The following PLCB4 variants were observed in gnomAD, a reference collection of about 807,000 sequenced individuals.
PLCB4 encodes the protein phospholipase C beta 4.
PLCB4 carries 77 observed loss-of-function variants against 178.8 expected under a neutral mutation model. The ratio of observed to expected loss-of-function variants is 0.43; its 90% confidence interval spans 0.36 to 0.52. PLCB4 has a LOEUF of 0.52. PLCB4 is among the 20% of genes least tolerant of loss of function. The pLI is 0.00. For missense variants in PLCB4, 1,024 were observed against 1,453.4 expected (o/e 0.70, Z 4.80); for synonymous variants, 496 against 490.8 (o/e 1.01, Z -0.14).
chr20:9,237,571 A>G (rs754688901), intron 3 of PLCB4, among the ~76,000 whole-genome samples: 1 of 152,200 alleles, frequency 6.6e-6, no homozygotes, highest in Non-Finnish European at 1.5e-5. Context: ...AGGCTCAGCC[A>G]TCTGTGTTTT....
At chr20:9,344,303 A>G (rs1345904078) in intron 7 of PLCB4, among the ~76,000 whole-genome samples, 1 of 152,164 alleles carries the variant, frequency 6.6e-6, no homozygotes, top group African/African-American at 2.4e-5. Context: ...TTGTCTTAGC[A>G]GGAGCTCCCC....
chr20:9,189,808 C>T (rs1288197176), intron 2 of PLCB4, among the ~76,000 whole-genome samples: 2 of 152,070 alleles, frequency 1.3e-5, no homozygotes, highest in African/African-American at 4.8e-5. Flanking sequence ...GGCTAGTTTG[C>T]GCTAGCCCCT....
intron 2 of PLCB4, among the ~76,000 whole-genome samples, chr20:9,202,963 C>T (rs1223847924): frequency 2.0e-5 from 3 of 149,342 alleles, no homozygotes; most frequent in African/African-American, 5.0e-5. Context: ...ACTGCTGTAT[C>T]GCACTGTGTT....
chr20:9,459,659 A>G lies in PLCB4; in HGVS notation c.3097A>G (p.Thr1033Ala). Residue 1033 changes from threonine (T) to alanine (A), a missense_variant, in exon 35 of 40, where the codon ACA becomes GCA. Thr to Ala is a moderately conservative substitution (Grantham distance 58). This residue lies in a region of PLCB4 where 264 missense variants were observed against 283.2 expected (regional missense o/e 0.93). Coordinates refer to ENST00000378473, the MANE Select transcript of PLCB4 (RefSeq NM_001377142.1). Reference sequence around the variant, plus strand: ...GGTCAAAGAGATTGTAGCACAGCACACAAAGGAATGGTCAGAAATGATCAA... The same window carrying G: ...GGTCAAAGAGATTGTAGCACAGCACGCAAAGGAATGGTCAGAAATGATCAA... ...SKVKEIVAQH[T>A]KEWSEMINTH... The G allele has an allele frequency of 6.2e-7, 1 of 1,609,884 alleles. No individual in the cohort carries two copies. The highest frequency in any genetic ancestry group is 1.1e-5 in the South Asian group (1 of 90,970).
chr20:9,275,223 C>G (rs912541009), intron 3 of PLCB4, among the ~76,000 whole-genome samples: 5 of 151,690 alleles, frequency 3.3e-5, no homozygotes, highest in African/African-American at 1.2e-4. Flanking sequence ...ATGGAAGCAG[C>G]AAGAGAGAAT....
At chr20:9,308,939 T>C (rs1274193472) in intron 4 of PLCB4, among the ~76,000 whole-genome samples, 1 of 152,228 alleles carries the variant, frequency 6.6e-6, no homozygotes, top group Non-Finnish European at 1.5e-5. Flanking sequence ...AACAGAATAA[T>C]ATTCTGCCAT....
At chr20:9,073,424 C>T (rs1371948636) in intron 1 of PLCB4, among the ~76,000 whole-genome samples, 2 of 152,036 alleles carry the variant, frequency 1.3e-5, no homozygotes, top group African/African-American at 4.8e-5. Flanking sequence ...TTCCAAGTGA[C>T]AATTGGGGCA....
intron 3 of PLCB4, among the ~76,000 whole-genome samples, chr20:9,264,903 C>G (rs6108275): frequency 0.032 from 4,892 of 152,086 alleles, 135 homozygotes; most frequent in African/African-American, 0.064. Flanking sequence ...TCCTGTCGAC[C>G]GTTTACCAAA....
intron 26 of PLCB4, among the ~76,000 whole-genome samples, chr20:9,420,486 A>T (rs562984748): frequency 7.2e-5 from 11 of 151,940 alleles, no homozygotes; most frequent in Admixed American, 1.3e-4. Flanking sequence ...CCACCGCCAC[A>T]CCTGGCTAAT....
At chr20:9,262,027 T>C (rs555613457) in intron 3 of PLCB4, among the ~76,000 whole-genome samples, 1 of 152,308 alleles carries the variant, frequency 6.6e-6, no homozygotes, top group South Asian at 2.1e-4. Flanking sequence ...GAATTCCACC[T>C]GATCCAAGTC....
At chr20:9,234,302 A>G (rs1221461298) in intron 3 of PLCB4, among the ~76,000 whole-genome samples, 2 of 152,122 alleles carry the variant, frequency 1.3e-5, no homozygotes, top group African/African-American at 2.4e-5. Flanking sequence ...AGTTGGATAT[A>G]TGAGTCTGGA....
intron 4 of PLCB4, among the ~76,000 whole-genome samples, chr20:9,323,006 T>A (rs1199103272): frequency 2.0e-5 from 3 of 152,234 alleles, no homozygotes; most frequent in African/African-American, 7.2e-5. Context: ...ATGGATTTTT[T>A]AAAAATGGAA....
chr20:9,468,290 G>GA (rs143454084), intron 35 of PLCB4, among the ~76,000 whole-genome samples: 26 of 148,782 alleles, frequency 1.7e-4, no homozygotes, highest in East Asian at 7.9e-4. Flanking sequence ...ATAATAGAAA[G>GA]AAAAAAAAAG....
chr20:9,300,804 T>C (rs1420601000), intron 3 of PLCB4, among the ~76,000 whole-genome samples: 22 of 152,166 alleles, frequency 1.4e-4, no homozygotes, highest in African/African-American at 4.3e-4. Context: ...AACTTTTTAG[T>C]TCTTTTAAGA....
intron 14 of PLCB4, among the ~76,000 whole-genome samples, 176 bp downstream of exon 14, chr20:9,384,587 A>G (rs548039733): frequency 2.8e-4 from 43 of 152,334 alleles, no homozygotes; most frequent in African/African-American, 9.1e-4. Context: ...CTCTTTCGGA[A>G]AAATCTTCAG....
At chr20:9,152,129 T>C (rs1366625776) in intron 2 of PLCB4, among the ~76,000 whole-genome samples, 1 of 152,148 alleles carries the variant, frequency 6.6e-6, no homozygotes, top group Admixed American at 6.5e-5. Context: ...TTAAAGGCTT[T>C]CAGTTTTATA....
intron 2 of PLCB4, among the ~76,000 whole-genome samples, chr20:9,135,738 T>C (rs762175193): frequency 1.3e-5 from 2 of 152,172 alleles, no homozygotes; most frequent in Non-Finnish European, 2.9e-5. Context: ...AGTTAAATCT[T>C]TACTTTCTAA....
intron 2 of PLCB4, among the ~76,000 whole-genome samples, chr20:9,207,511 G>A (rs574612969): frequency 3.5e-4 from 54 of 152,354 alleles, no homozygotes; most frequent in African/African-American, 1.3e-3. Context: ...TCTACCTCCA[G>A]TGACCTATTA....
At chr20:9,208,492 A>G (rs1488471236) in intron 2 of PLCB4, among the ~76,000 whole-genome samples, 1 of 151,836 alleles carries the variant, frequency 6.6e-6, no homozygotes, top group East Asian at 1.9e-4. Context: ...GCCATGTACT[A>G]GTGGATATAT....
Sources: gnomAD v4.1 joint callset for allele counts (sites outside exome capture counted in the v4.1 genomes callset) on GRCh38, gnomAD v4.1.1 for gene constraint, gnomAD v4.1.1 regional missense constraint, MANE v1.5 for transcripts, NCBI Gene and HGNC (gene_info 2026-07-23, HGNC 2026-07-21) for gene names.